Variants in CDX1 observed in about 807,000 individuals in gnomAD.
The protein encoded by CDX1 is homeobox protein CDX-1.
Under a neutral mutation model 16.9 loss-of-function variants are expected in CDX1, and 9 were observed. The ratio of observed to expected loss-of-function variants is 0.53; its 90% CI spans 0.32 to 0.93. The LOEUF (loss-of-function observed/expected upper bound fraction) is 0.93, where lower values mean the gene tolerates loss of function less well. CDX1 is among the 40% of genes least tolerant of loss of function. The pLI is 0.04. For missense variants in CDX1, 393 were observed against 386.1 expected (o/e 1.02, Z -0.15); for synonymous variants, 179 against 179.0 (o/e 1.00, Z 0.00).
At chr5:150,172,620 G>C (rs369551362) in intron 1 of CDX1, among the ~76,000 whole-genome samples, 2 of 152,292 alleles carry the variant, frequency 1.3e-5, no homozygotes, top group Non-Finnish European at 1.5e-5. Flanking sequence ...AGCCAGGTTG[G>C]GGGGAAAGGA....
intron 2 of CDX1, among the ~76,000 whole-genome samples, 195 bp from the exon 3 acceptor site, chr5:150,183,279 A>T (rs1003421699): frequency 6.6e-6 from 1 of 152,102 alleles, no homozygotes; most frequent in African/African-American, 2.4e-5. Flanking sequence ...AAAGAAGGGC[A>T]TCTCCAGGGT....
chr5:150,182,901 C>G lies in CDX1; in HGVS notation c.579C>G (p.Leu193=). 6.2e-7 allele frequency: 1 copy of G among 1,607,834 alleles called. No homozygotes were observed. The highest frequency in any genetic ancestry group is 8.5e-7 in the Non-Finnish European group (1 of 1,177,146). ...RKSELAANLG[L]TERQVKIWFQ... ...CAGAGCTGGCTGCCAATCTGGGGCT[C>G]ACTGAACGGCAGGTGTGTCTGTCTT... Residue 193 remains leucine, a synonymous_variant, in exon 2 of 3, where the codon CTC becomes CTG. Transcript: ENST00000231656.
chr5:150,174,291 A>G (rs1489729944), intron 1 of CDX1, among the ~76,000 whole-genome samples: 1 of 152,256 alleles, frequency 6.6e-6, no homozygotes, highest in Non-Finnish European at 1.5e-5. Flanking sequence ...TCCACCAGGA[A>G]ACAGTTCAGA....
In CDX1 at chr5:150,167,138, G is replaced by T; in HGVS notation, c.262G>T (p.Ala88Ser). Residue 88 changes from alanine (A) to serine (S), a missense_variant, in exon 1 of 3, where the codon GCT becomes TCT. Transcript: ENST00000231656. ...CCCCGCGGCCCCTGCCGCCAGCCCA[G>T]CTTCGCTGGCATTCGGGCCCCCTCC... ...PGPAAPAASPASLAFGPPPDF... is the reference protein window; with the variant it reads ...PGPAAPAASPSSLAFGPPPDF... The T allele has an allele frequency of 7.5e-7, 1 of 1,324,786 alleles. No individual in the cohort carries two copies. Among genetic ancestry groups the T allele is most frequent in the Non-Finnish European group, 9.6e-7 (1 of 1,046,470 alleles). 82.1% of individuals were successfully genotyped at this position (1,324,786 alleles called of 1,614,324 possible). A position where few individuals can be genotyped will look rare whatever the true frequency, so the allele number is the denominator to read the frequency against.
chr5:150,182,109 C>T (rs887467060), intron 1 of CDX1, among the ~76,000 whole-genome samples: 1 of 152,214 alleles, frequency 6.6e-6, no homozygotes, highest in Non-Finnish European at 1.5e-5. Context: ...GAGCCCACAC[C>T]TGGGACAGTT....
At chr5:150,181,909 C>G in intron 1 of CDX1, among the ~76,000 whole-genome samples, 1 of 152,190 alleles carries the variant, frequency 6.6e-6, no homozygotes, top group East Asian at 1.9e-4. Context: ...CTGCCCGGTG[C>G]CTGGACACAG....
At chr5:150,177,913 C>G (rs1761589326) in intron 1 of CDX1, among the ~76,000 whole-genome samples, 1 of 152,140 alleles carries the variant, frequency 6.6e-6, no homozygotes, top group African/African-American at 2.4e-5. Flanking sequence ...TCCACAGCCC[C>G]TCTCCAGAGC....
chr5:150,168,843 G>A (rs1454074490), intron 1 of CDX1, among the ~76,000 whole-genome samples: 1 of 152,226 alleles, frequency 6.6e-6, no homozygotes, highest in African/African-American at 2.4e-5. Context: ...TTGTACCCTT[G>A]TTTAAGTTAC....
chr5:150,183,114 GTAAGGGGA>G, intron 2 of CDX1, among the ~76,000 whole-genome samples: 1 of 152,220 alleles, frequency 6.6e-6, no homozygotes, highest in Non-Finnish European at 1.5e-5. Flanking sequence ...AAAGGCAGGG[GTAAGGGGA>G]TCTGATTAGC....
chr5:150,181,568 C>T (rs940339461), intron 1 of CDX1, among the ~76,000 whole-genome samples: 11 of 152,094 alleles, frequency 7.2e-5, no homozygotes, highest in Admixed American at 2.6e-4. Flanking sequence ...TGTGAGCCAC[C>T]GCGCCTGGCC....
intron 1 of CDX1, among the ~76,000 whole-genome samples, chr5:150,175,815 G>A (rs1457663354): frequency 3.9e-5 from 6 of 152,224 alleles, no homozygotes; most frequent in African/African-American, 1.2e-4. Flanking sequence ...TCCCAGGTCA[G>A]TGTGTTCTTG....
At chr5:150,178,395 T>C (rs900664755) in intron 1 of CDX1, among the ~76,000 whole-genome samples, 16 of 152,168 alleles carry the variant, frequency 1.1e-4, no homozygotes, top group Admixed American at 3.3e-4. Context: ...GAGGATTACT[T>C]ATTAGGTGGC....
Position 150,166,778 on chromosome 5 carries a change from G to T in CDX1, c.-99G>T. On this transcript the variant is annotated 5_prime_UTR_variant, in exon 1 of 3. Transcript: ENST00000231656. ...AAGGCCTGGGTGGGGCGGGCGCGGC[G>T]GCAGGACAGCCGAGTTCAGGTGAGC... 1 of 824,328 alleles carries T rather than the reference G, an allele frequency of 1.2e-6. No individual in the cohort carries two copies. The highest frequency in any genetic ancestry group is 1.7e-6 in the Non-Finnish European group (1 of 588,530). 51.1% of individuals were successfully genotyped at this position (824,328 alleles called of 1,614,324 possible).
At chr5:150,171,914 T>G (rs1252627828) in intron 1 of CDX1, among the ~76,000 whole-genome samples, 1 of 152,198 alleles carries the variant, frequency 6.6e-6, no homozygotes, top group East Asian at 1.9e-4. Flanking sequence ...GAGATGCCTG[T>G]AAAGCACCGC....
intron 1 of CDX1, among the ~76,000 whole-genome samples, chr5:150,182,538 C>G (rs937356340): frequency 6.6e-6 from 1 of 152,242 alleles, no homozygotes; most frequent in Non-Finnish European, 1.5e-5. Flanking sequence ...GCCTACCTCA[C>G]TGCCTCCCTG....
rs1580838483 is a variant in CDX1, at chr5:150,173,450, C to T, written c.445+6129C>T. On this transcript the variant is annotated intron_variant, in intron 1 of 2. Transcript: ENST00000231656. Reference sequence around the variant, plus strand: ...GACATGGAAGCCTCCTTCTCAACCTCAGGTCTTGGCTTAAATGTGGCCTGT... The same window carrying T: ...GACATGGAAGCCTCCTTCTCAACCTTAGGTCTTGGCTTAAATGTGGCCTGT... 2.0e-5 allele frequency among the ~76,000 whole-genome samples: 3 copies of T among 152,198 alleles called. No homozygotes were observed. In the South Asian group the frequency reaches 6.2e-4, roughly 31 times the overall value.
rs575082588 is a variant in CDX1, at chr5:150,167,504, C to G, written c.445+183C>G. On this transcript the variant is annotated intron_variant, in intron 1 of 2. Coordinates refer to ENST00000231656, the MANE Select transcript of CDX1 (RefSeq NM_001804.3). ...TCTCCTCAGTCTCAGGCTATCGGAGCCTTCAGCAGCACAGCCTAACCCTCT... is the reference window on the plus strand; with the variant it reads ...TCTCCTCAGTCTCAGGCTATCGGAGGCTTCAGCAGCACAGCCTAACCCTCT... 2.0e-5 allele frequency among the ~76,000 whole-genome samples: 3 copies of G among 152,342 alleles called. No individual in the cohort carries two copies. The South Asian group carries it at 6.2e-4, about 32-fold the overall frequency.
chr5:150,183,523 A>G lies in CDX1; in HGVS notation c.641A>G (p.Lys214Arg), dbSNP rs1471698996. Residue 214 changes from lysine (K) to arginine (R), a missense_variant, in exon 3 of 3, where the codon AAG becomes AGG. Transcript: ENST00000231656. ...CGGGCAAAGGAGCGCAAAGTGAACAAGAAGAAACAGCAGCAGCAACAGCCC... is the reference window on the plus strand; with the variant it reads ...CGGGCAAAGGAGCGCAAAGTGAACAGGAAGAAACAGCAGCAGCAACAGCCC... ...NRRAKERKVN[K>R]KKQQQQQPPQ... The G allele has an allele frequency of 1.2e-6, 2 of 1,612,242 alleles. No homozygotes were observed. Among genetic ancestry groups the G allele is most frequent in the Non-Finnish European group, 8.5e-7 (1 of 1,178,746 alleles).
chr5:150,169,879 G>A (rs1761481369), intron 1 of CDX1, among the ~76,000 whole-genome samples: 1 of 137,974 alleles, frequency 7.2e-6, no homozygotes, highest in Non-Finnish European at 1.5e-5. Flanking sequence ...CCAAGGTACA[G>A]AGACTGTGAA....
Sources: allele counts gnomAD v4.1 joint callset (sites outside exome capture counted in the v4.1 genomes callset), GRCh38; gene constraint gnomAD v4.1.1; transcripts MANE v1.5; gene names NCBI Gene and HGNC (gene_info 2026-07-23, HGNC 2026-07-21).